Variants in USP20 observed in about 807,000 individuals in gnomAD.
USP20 encodes the protein ubiquitin carboxyl-terminal hydrolase 20.
Under a neutral mutation model 124.2 loss-of-function variants are expected in USP20, and 80 were observed. That is an observed-to-expected ratio of 0.64 (90% CI 0.54 to 0.78). USP20 has a LOEUF of 0.78. USP20 is among the 30% of genes least tolerant of loss of function. The pLI is 0.00. For synonymous variants in USP20, 481 were observed against 512.3 expected, an observed-to-expected ratio of 0.94 and a Z score of 0.83; for missense variants, 1,043 against 1,244.4, an observed-to-expected ratio of 0.84 and a Z score of 2.44.
chr9:129,876,684 G>A (rs2034425476), intron 22 of USP20, among the ~76,000 whole-genome samples: 1 of 151,962 alleles, frequency 6.6e-6, no homozygotes, highest in South Asian at 2.1e-4. Flanking sequence ...TCTTCTGCGG[G>A]GAACTAGATG....
intron 7 of USP20, 25 bp from the exon 8 acceptor site, chr9:129,861,517 TC>T (rs761438751): frequency 5.6e-6 from 9 of 1,612,014 alleles, no homozygotes; most frequent in Non-Finnish European, 7.6e-6. Flanking sequence ...GCTCACCTGC[TC>T]CTCCCCGTTG....
intron 22 of USP20, among the ~76,000 whole-genome samples, chr9:129,878,094 G>A (rs2034482435): frequency 6.6e-6 from 1 of 152,170 alleles, no homozygotes; most frequent in Non-Finnish European, 1.5e-5. Flanking sequence ...CTCCCTTGTG[G>A]TCTCAGTTGG....
chr9:129,850,647 G>GT lies in USP20; in HGVS notation c.-17+729dup, dbSNP rs544060012. Among the ~76,000 whole-genome samples, 350 of 151,496 alleles carry GT rather than the reference G, an allele frequency of 2.3e-3. 1 individual carries two copies. Among genetic ancestry groups the GT allele is most frequent in the African/African-American group, 8.1e-3 (337 of 41,358 alleles). Reference sequence around the variant, plus strand: ...CATGCAGCTTCTGCCTTTGTTTTTTGTTTTTTGTGTGTGTGTGTGTGTTTT... The same window carrying GT: ...CATGCAGCTTCTGCCTTTGTTTTTTGTTTTTTTGTGTGTGTGTGTGTGTTTT... On this transcript the variant is annotated intron_variant, in intron 2 of 25. Transcript: ENST00000372429.
chr9:129,872,482 A>G (rs2034173847), intron 15 of USP20, among the ~76,000 whole-genome samples: 1 of 152,094 alleles, frequency 6.6e-6, no homozygotes, highest in South Asian at 2.1e-4. Flanking sequence ...TTATGTGTCC[A>G]GATACGTGAC....
intron 6 of USP20, among the ~76,000 whole-genome samples, chr9:129,860,324 T>C (rs10114367): frequency 0.88 from 132,051 of 150,662 alleles, 58,260 homozygotes; most frequent in East Asian, 1. Context: ...AGCGAGACTC[T>C]GTCTCAAAAA....
chr9:129,869,207 C>T (rs1364747761), intron 12 of USP20, 103 bp from the exon 13 acceptor site: 1 of 1,350,534 alleles, frequency 7.4e-7, no homozygotes, highest in Non-Finnish European at 1.0e-6. Context: ...AGTCATGTGA[C>T]TCACGGATGT....
chr9:129,858,719 A>G (rs2033354422), intron 6 of USP20, 121 bp downstream of exon 6: 3 of 1,412,932 alleles, frequency 2.1e-6, no homozygotes, highest in African/African-American at 2.9e-5. Flanking sequence ...TTTCTGGGTC[A>G]GTATGTTTTC....
chr9:129,874,389 G>A (rs2034280528), intron 17 of USP20, among the ~76,000 whole-genome samples, 187 bp from the exon 18 acceptor site: 1 of 152,188 alleles, frequency 6.6e-6, no homozygotes, highest in African/African-American at 2.4e-5. Context: ...CCAGTTCTCA[G>A]CAGTGGAGCT....
chr9:129,840,589 C>T (rs7042087), intron 1 of USP20, among the ~76,000 whole-genome samples: 47,469 of 151,998 alleles, frequency 0.31, 8,497 homozygotes, highest in Non-Finnish European at 0.41. Context: ...GAATTAGTAA[C>T]ATTTGCCTTA....
chr9:129,869,049 G>T, intron 12 of USP20, 47 bp downstream of exon 12: 3 of 1,552,340 alleles, frequency 1.9e-6, no homozygotes, highest in Non-Finnish European at 2.6e-6. Context: ...TGGGAGTACA[G>T]ATTACGCCCG....
intron 3 of USP20, 64 bp from the exon 4 acceptor site, chr9:129,856,243 C>T (rs1329655151): frequency 6.5e-7 from 1 of 1,528,448 alleles, no homozygotes; most frequent in Non-Finnish European, 9.1e-7. Flanking sequence ...GGAGCAGTCT[C>T]AGTGCTCAGC....
At chr9:129,874,502 T>C (rs2034286046) in intron 17 of USP20, 74 bp from the exon 18 acceptor site, 2 of 1,575,644 alleles carry the variant, frequency 1.3e-6, no homozygotes, top group African/African-American at 1.3e-5. Flanking sequence ...TCAGCTGTCC[T>C]GGGCCCGTGG....
In USP20 at chr9:129,863,110, CCG is replaced by C; in HGVS notation, c.498-74_498-73del. On this transcript the variant is annotated intron_variant, in intron 8 of 25. Coordinates refer to ENST00000372429, the MANE Select transcript of USP20 (RefSeq NM_001110303.4). ...TCCCTGTGCGAGCACTCAGGGCTCC[CCG>C]CTATGCAGCCCTTTCTAAACTGCCG... 4 of 1,226,408 alleles carry C rather than the reference CCG, an allele frequency of 3.3e-6. No individual in the cohort carries two copies. The East Asian group carries it at 1.1e-4, about 33-fold the overall frequency. The allele number at this position is 1,226,408 out of a possible 1,614,324, so 76.0% of individuals were successfully genotyped here.
At chr9:129,878,005 G>A (rs535954176) in intron 22 of USP20, among the ~76,000 whole-genome samples, 219 of 151,878 alleles carry the variant, frequency 1.4e-3, no homozygotes, top group African/African-American at 4.9e-3. Flanking sequence ...CTGGGAGGCA[G>A]AGGTTGCAGT....
chr9:129,853,900 G>C (rs1004076207), intron 3 of USP20, among the ~76,000 whole-genome samples: 3 of 152,086 alleles, frequency 2.0e-5, no homozygotes, highest in Non-Finnish European at 4.4e-5. Flanking sequence ...GCTTGTCTGG[G>C]GTGCTCTGGG....
At chr9:129,868,821 C>G in intron 11 of USP20, 41 bp from the exon 12 acceptor site, 1 of 1,517,296 alleles carries the variant, frequency 6.6e-7, no homozygotes. Context: ...TGGAGCTGGC[C>G]TGGCTGCCCT....
In USP20 at chr9:129,868,213, G is replaced by A. The variant is rs558804357; in HGVS notation, c.899G>A (p.Arg300His). ...CGGGGTGAGGGTGACGGGCAGGGGCGTGGCGGGGGCAGCTCGCAGGCCGAG... is the reference window on the plus strand; with the variant it reads ...CGGGGTGAGGGTGACGGGCAGGGGCATGGCGGGGGCAGCTCGCAGGCCGAG... ...SDRGEGDGQGRGGGSSQAETE... is the reference protein window; with the variant it reads ...SDRGEGDGQGHGGGSSQAETE... Residue 300 changes from arginine (R) to histidine (H), a missense_variant, in exon 11 of 26, where the codon CGT (arginine) becomes CAT (histidine). Coordinates refer to ENST00000372429, the MANE Select transcript of USP20 (RefSeq NM_001110303.4). 4.2e-5 allele frequency: 67 copies of A among 1,613,932 alleles called. No individual in the cohort carries two copies. Among genetic ancestry groups the A allele is most frequent in the Non-Finnish European group, 4.8e-5 (57 of 1,179,894 alleles).
At chr9:129,877,809 A>G (rs1214897340) in intron 22 of USP20, among the ~76,000 whole-genome samples, 10 of 152,112 alleles carry the variant, frequency 6.6e-5, no homozygotes, top group Non-Finnish European at 7.4e-5. Flanking sequence ...GCAGTGGTTC[A>G]TGCCTGTTAT....
At chr9:129,856,820 C>T (rs960658406) in intron 4 of USP20, among the ~76,000 whole-genome samples, 1 of 152,150 alleles carries the variant, frequency 6.6e-6, no homozygotes, top group Non-Finnish European at 1.5e-5. Context: ...TAGGGTAGAA[C>T]TGGACAAGAC....
Sources: gnomAD v4.1 joint callset for allele counts (sites outside exome capture counted in the v4.1 genomes callset) on GRCh38, gnomAD v4.1.1 for gene constraint, MANE v1.5 for transcripts, NCBI Gene and HGNC (gene_info 2026-07-23, HGNC 2026-07-21) for gene names.